GRM8: variants seen among roughly 807,000 people sequenced by gnomAD.
GRM8 encodes the protein glutamate metabotropic receptor 8.
A neutral mutation model predicts 87.2 loss-of-function variants in GRM8; 47 were observed. The observed-to-expected ratio is 0.54, with a 90% CI of 0.43 to 0.69. GRM8 has a LOEUF of 0.69. Among genes scored for constraint, GRM8 ranks in the 30% least tolerant of loss-of-function variants. GRM8 has a pLI of 0.00. For missense variants in GRM8, 1,019 were observed against 1,139.2 expected, an observed-to-expected ratio of 0.89 and a Z score of 1.52; for synonymous variants, 396 against 404.5, an observed-to-expected ratio of 0.98 and a Z score of 0.25.
At chr7:126,969,454 G>A (rs1810197030) in intron 3 of GRM8, among the ~76,000 whole-genome samples, 1 of 152,168 alleles carries the variant, frequency 6.6e-6, no homozygotes, top group South Asian at 2.1e-4. Context: ...TTCACCAGGA[G>A]TAGATTCCAC....
At chr7:126,644,280 C>T (rs2151216376) in intron 7 of GRM8, among the ~76,000 whole-genome samples, 1 of 152,278 alleles carries the variant, frequency 6.6e-6, no homozygotes, top group African/African-American at 2.4e-5. Flanking sequence ...TCATACTTTA[C>T]TCATAAATAT....
chr7:126,573,510 A>G (rs1794859510), intron 8 of GRM8, among the ~76,000 whole-genome samples: 2 of 152,162 alleles, frequency 1.3e-5, no homozygotes, highest in South Asian at 4.1e-4. Flanking sequence ...ATACAAAGCA[A>G]GCTTTGGGGA....
At chr7:127,217,520 G>A (rs1444258015) in intron 2 of GRM8, among the ~76,000 whole-genome samples, 1 of 152,222 alleles carries the variant, frequency 6.6e-6, no homozygotes, top group Non-Finnish European at 1.5e-5. Flanking sequence ...CTCTTGTCCA[G>A]AGATGTCCAG....
At chr7:126,506,835 C>T (rs1056745946) in intron 9 of GRM8, among the ~76,000 whole-genome samples, 3 of 151,974 alleles carry the variant, frequency 2.0e-5, no homozygotes, top group Non-Finnish European at 4.4e-5. Flanking sequence ...TCTCTCTGTG[C>T]TTCCTCTGCT....
chr7:127,112,972 C>A (rs1185725750), intron 2 of GRM8, among the ~76,000 whole-genome samples: 1 of 152,086 alleles, frequency 6.6e-6, no homozygotes, highest in Non-Finnish European at 1.5e-5. Context: ...GATAGATATT[C>A]CAGACAGGGA....
intron 7 of GRM8, among the ~76,000 whole-genome samples, chr7:126,755,574 GTGACAACTC>G (rs1325463745): frequency 6.6e-6 from 1 of 151,912 alleles, no homozygotes; most frequent in Non-Finnish European, 1.5e-5. Context: ...TCTAGTATGT[GTGACAACTC>G]TGACAGCTGT....
At chr7:126,469,052 G>T (rs1804840710) in intron 9 of GRM8, among the ~76,000 whole-genome samples, 2 of 151,962 alleles carry the variant, frequency 1.3e-5, no homozygotes, top group Admixed American at 6.6e-5. Context: ...AGCATTTATT[G>T]TTGTTAGTAT....
At chr7:126,745,409 A>ATATTATATTATATTATATTAT (rs1396916303) in intron 7 of GRM8, among the ~76,000 whole-genome samples, 1 of 150,270 alleles carries the variant, frequency 6.7e-6, no homozygotes, top group Non-Finnish European at 1.5e-5. Flanking sequence ...ATATTATATT[A>ATATTATATTATATTATATTAT]TATTATACTT....
intron 7 of GRM8, among the ~76,000 whole-genome samples, chr7:126,754,227 T>C (rs1052672011): frequency 4.6e-5 from 7 of 151,812 alleles, no homozygotes; most frequent in Non-Finnish European, 1.0e-4. Context: ...ATTAAACACC[T>C]TTCCCATGGG....
intron 9 of GRM8, chr7:126,465,291 T>C (rs1438218017): frequency 6.6e-6 from 1 of 151,656 alleles, no homozygotes; most frequent in Non-Finnish European, 1.5e-5. Flanking sequence ...GTCTTCGCTC[T>C]TCTTGGTCCT....
intron 9 of GRM8, among the ~76,000 whole-genome samples, chr7:126,522,859 CAGTCACT>C (rs2150800591): frequency 6.6e-6 from 1 of 152,324 alleles, no homozygotes; most frequent in African/African-American, 2.4e-5. Flanking sequence ...CTGCCTTGAC[CAGTCACT>C]TCTGTGCTTG....
intron 7 of GRM8, among the ~76,000 whole-genome samples, chr7:126,618,324 A>G (rs530140976): frequency 1.4e-4 from 22 of 152,348 alleles, no homozygotes; most frequent in African/African-American, 5.1e-4. Flanking sequence ...GGCTAGCCAT[A>G]TGTAGAAAGC....
intron 2 of GRM8, among the ~76,000 whole-genome samples, chr7:127,158,099 GA>G (rs1161442316): frequency 6.6e-6 from 1 of 151,880 alleles, no homozygotes; most frequent in African/African-American, 2.4e-5. Flanking sequence ...TGAGAGAATA[GA>G]AAAAAAATTA....
chr7:127,019,827 A>T (rs1816078137), intron 3 of GRM8, among the ~76,000 whole-genome samples: 1 of 152,024 alleles, frequency 6.6e-6, no homozygotes, highest in African/African-American at 2.4e-5. Flanking sequence ...TTTCCTGAAT[A>T]CCTATATTTT....
At chr7:126,913,999 A>T (rs941799778) in intron 3 of GRM8, among the ~76,000 whole-genome samples, 1 of 152,162 alleles carries the variant, frequency 6.6e-6, no homozygotes, top group Non-Finnish European at 1.5e-5. Flanking sequence ...ATCAAATGCC[A>T]TGTGGAATCT....
chr7:126,615,615 G>C (rs1438093377), intron 7 of GRM8, among the ~76,000 whole-genome samples: 2 of 152,260 alleles, frequency 1.3e-5, no homozygotes, highest in Non-Finnish European at 2.9e-5. Context: ...TCAGAGTGCT[G>C]TATTCAGGAG....
intron 3 of GRM8, among the ~76,000 whole-genome samples, chr7:126,973,797 A>G (rs959756326): frequency 2.6e-5 from 4 of 152,234 alleles, no homozygotes; most frequent in Non-Finnish European, 4.4e-5. Context: ...AGTGAAATAA[A>G]TGAAACATAG....
chr7:126,573,296 A>G (rs1794837164), intron 8 of GRM8, among the ~76,000 whole-genome samples: 2 of 152,224 alleles, frequency 1.3e-5, no homozygotes, highest in Admixed American at 1.3e-4. Flanking sequence ...GGGATGATGT[A>G]AAAGTGTGGC....
At chr7:126,910,711 A>G (rs902064370) in intron 3 of GRM8, among the ~76,000 whole-genome samples, 2 of 152,202 alleles carry the variant, frequency 1.3e-5, no homozygotes, top group Non-Finnish European at 2.9e-5. Context: ...GAATTTCCTC[A>G]TATTGATACA....
Sources: allele counts gnomAD v4.1 joint callset (sites outside exome capture counted in the v4.1 genomes callset), GRCh38; gene constraint gnomAD v4.1.1; transcripts MANE v1.5; gene names NCBI Gene and HGNC (gene_info 2026-07-23, HGNC 2026-07-21).